MARK2: variants seen among roughly 807,000 people sequenced by gnomAD.
MARK2 encodes the protein microtubule affinity regulating kinase 2, also known as serine/threonine-protein kinase MARK2.
In MARK2, 16 loss-of-function variants were observed where a neutral mutation model predicts 89.8. The observed-to-expected ratio is 0.18, with a 90% CI of 0.12 to 0.27. The LOEUF (loss-of-function observed/expected upper bound fraction) is 0.27, where lower values mean the gene tolerates loss of function less well. MARK2 is among the 10% of genes least tolerant of loss of function. MARK2 has a pLI of 1.00. For synonymous variants in MARK2, 382 were observed against 399.5 expected (o/e 0.96, Z 0.52); for missense variants, 621 against 1,049.9 (o/e 0.59, Z 5.65).
chr11:63,878,359 C>CTTTTTTTTTTTTT (rs59251368), intron 1 of MARK2, among the ~76,000 whole-genome samples: 1 of 72,712 alleles, frequency 1.4e-5, no homozygotes, highest in Admixed American at 2.0e-4. Flanking sequence ...TTGTTCAAGT[C>CTTTTTTTTTTTTT]TTTTTTTTTT....
rs1264108366 is a variant in MARK2 at position 63,900,694 on chromosome 11, C to T, written c.888+16C>T. 2 of 1,613,910 alleles carry T rather than the reference C, an allele frequency of 1.2e-6. No homozygotes were observed. Among genetic ancestry groups the T allele is most frequent in the Non-Finnish European group, 8.5e-7 (1 of 1,179,776 alleles). ...CACTTTAGAGGTGAGCAGTGGAGCCCAACTGGCGGAAGGGCCTGGGGTCCC... is the reference window on the plus strand; with the variant it reads ...CACTTTAGAGGTGAGCAGTGGAGCCTAACTGGCGGAAGGGCCTGGGGTCCC... On this transcript the variant is annotated intron_variant, in intron 9 of 18. Transcript: ENST00000402010. This position sits in a 1 kb window ranked among gnomAD's most constrained non-coding sequence, Gnocchi z 4.7.
At chr11:63,880,308 G>C (rs1481245926) in intron 1 of MARK2, 1 of 152,058 alleles carries the variant, frequency 6.6e-6, no homozygotes, top group Non-Finnish European at 1.5e-5. Flanking sequence ...GGAGGGGTTG[G>C]GGGCAGGGTG....
chr11:63,858,422 C>T (rs1937587018), intron 1 of MARK2, among the ~76,000 whole-genome samples: 1 of 151,946 alleles, frequency 6.6e-6, no homozygotes, highest in Non-Finnish European at 1.5e-5. Context: ...TGCAATGGCA[C>T]GATCTCCACT....
chr11:63,908,662 C>T (rs890207191), intron 18 of MARK2, among the ~76,000 whole-genome samples: 7 of 152,172 alleles, frequency 4.6e-5, no homozygotes, highest in African/African-American at 1.7e-4. Flanking sequence ...CCCCACCCCG[C>T]CTACCCCAAG....
intron 1 of MARK2, among the ~76,000 whole-genome samples, chr11:63,891,177 C>T (rs1474346633): frequency 3.3e-5 from 5 of 150,862 alleles, no homozygotes; most frequent in Admixed American, 1.3e-4. Flanking sequence ...AGGTCTTGAA[C>T]TCTTGGGCTC....
At chr11:63,888,424 G>A (rs1459148570) in intron 1 of MARK2, 8 of 617,416 alleles carry the variant, frequency 1.3e-5, no homozygotes, top group East Asian at 1.5e-4. Context: ...GAGTCTCCTC[G>A]ACCTCTCGCC....
rs1405173007 is a variant in MARK2, at chr11:63,902,337, G to C, written c.1234+7G>C. The C allele has an allele frequency of 6.2e-7, 1 of 1,613,850 alleles. No individual in the cohort carries two copies. The highest frequency in any genetic ancestry group is 8.5e-7 in the Non-Finnish European group (1 of 1,179,862). ...CGGCGCTTCAGCGACCAGGGTAAAT[G>C]CTTTTGGGAGTTGTAGGTGGGGACT... On this transcript the variant is annotated splice_region_variant and intron_variant, in intron 12 of 18. Transcript: ENST00000402010. The surrounding 1 kb of genome is among the most constrained non-coding windows in gnomAD (Gnocchi z 4.2).
chr11:63,903,239 T>C lies in MARK2; in HGVS notation c.1514+81T>C, dbSNP rs1941048030. 4.5e-6 allele frequency: 5 copies of C among 1,100,426 alleles called. No individual in the cohort carries two copies. The highest frequency in any genetic ancestry group is 3.1e-5 in the African/African-American group (2 of 65,214). The allele number at this position is 1,100,426 out of a possible 1,614,324, so 68.2% of individuals were successfully genotyped here. A position where few individuals can be genotyped will look rare whatever the true frequency, so the allele number is the denominator to read the frequency against. ...GATGTCTGTCAGCAGCACCGTCTCC[T>C]GTCCCTGCCAGCGCATTGCTCCCTG... On this transcript the variant is annotated intron_variant, in intron 14 of 18. Transcript: ENST00000402010. The surrounding 1 kb of genome is among the most constrained non-coding windows in gnomAD (Gnocchi z 5.1).
chr11:63,890,359 GGGTT>G, intron 1 of MARK2: 1 of 1,057,562 alleles, frequency 9.5e-7, no homozygotes, highest in South Asian at 1.3e-5. Context: ...CCCGAAAAGG[GGGTT>G]GGTGACTTTG....
chr11:63,861,905 C>CT (rs1937813441), intron 1 of MARK2, among the ~76,000 whole-genome samples: 1 of 147,196 alleles, frequency 6.8e-6, no homozygotes, highest in African/African-American at 2.5e-5. Context: ...CCATGCCTGG[C>CT]TAATTTCTTT....
intron 1 of MARK2, among the ~76,000 whole-genome samples, 154 bp downstream of exon 1, chr11:63,839,714 C>G (rs2015907867): frequency 6.6e-6 from 1 of 152,268 alleles, no homozygotes; most frequent in South Asian, 2.1e-4. Context: ...CCGCACATCC[C>G]GCTTCCGAGT....
At chr11:63,905,068 G>C (rs924519010) in intron 16 of MARK2, 25 bp downstream of exon 16, 1 of 1,403,020 alleles carries the variant, frequency 7.1e-7, no homozygotes, top group African/African-American at 1.4e-5. Context: ...TTGGGTGGCA[G>C]AGAGGCTCAG....
intron 1 of MARK2, among the ~76,000 whole-genome samples, chr11:63,859,289 T>A (rs1476542054): frequency 6.6e-6 from 1 of 152,040 alleles, no homozygotes; most frequent in Non-Finnish European, 1.5e-5. Flanking sequence ...CTTTTCCTTT[T>A]GTACTTGACT....
At chr11:63,857,670 C>T (rs1472908682) in intron 1 of MARK2, among the ~76,000 whole-genome samples, 2 of 152,162 alleles carry the variant, frequency 1.3e-5, no homozygotes, top group Non-Finnish European at 2.9e-5. Flanking sequence ...TTTTTCCTCA[C>T]TTGAATTTCT....
At chr11:63,840,030 T>A (rs1415483499) in intron 1 of MARK2, among the ~76,000 whole-genome samples, 1 of 152,224 alleles carries the variant, frequency 6.6e-6, no homozygotes, top group Non-Finnish European at 1.5e-5. Flanking sequence ...GTTATCACCC[T>A]CAGGGTCCTT....
Position 63,898,520 on chromosome 11 carries a change from T to C in MARK2, c.338-88T>C. The C allele has an allele frequency of 2.7e-6, 3 of 1,096,716 alleles. No homozygotes were observed. The East Asian group carries it at 7.1e-5, about 26-fold the overall frequency. The allele number at this position is 1,096,716 out of a possible 1,614,324, so 67.9% of individuals were successfully genotyped here. ...GGGATCATGAAAGGAGGGGAGACTT[T>C]CGTTCCTAGGATGCTCCTGGACATG... On this transcript the variant is annotated intron_variant, in intron 4 of 18. Coordinates refer to ENST00000402010, the MANE Select transcript of MARK2 (RefSeq NM_001039469.3).
chr11:63,902,825 G>T lies in MARK2; in HGVS notation c.1416+43G>T. ...CTCTCTCCTTCCTTCCTGCGGTGGG[G>T]CCTGCCCTCTCCAGGCAGCTCTTCT... On this transcript the variant is annotated intron_variant, in intron 13 of 18. Coordinates refer to ENST00000402010, the MANE Select transcript of MARK2 (RefSeq NM_001039469.3). This position sits in a 1 kb window ranked among gnomAD's most constrained non-coding sequence, Gnocchi z 4.2. 1 of 1,495,726 alleles carries T rather than the reference G, an allele frequency of 6.7e-7. No individual in the cohort carries two copies. The highest frequency in any genetic ancestry group is 9.3e-7 in the Non-Finnish European group (1 of 1,079,124). The allele number at this position is 1,495,726 out of a possible 1,614,324, so 92.7% of individuals were successfully genotyped here.
At chr11:63,893,129 G>A (rs1321409649) in intron 1 of MARK2, among the ~76,000 whole-genome samples, 1 of 150,946 alleles carries the variant, frequency 6.6e-6, no homozygotes, top group Non-Finnish European at 1.5e-5. Flanking sequence ...GGCCAGGCTG[G>A]TCTCGAACTC....
chr11:63,840,690 C>T (rs565182648), intron 1 of MARK2, among the ~76,000 whole-genome samples: 3 of 152,312 alleles, frequency 2.0e-5, no homozygotes, highest in African/African-American at 7.2e-5. Context: ...CCTTTCATCT[C>T]CGCATTAGTC....
Sources: allele counts gnomAD v4.1 joint callset (sites outside exome capture counted in the v4.1 genomes callset), GRCh38; gene constraint gnomAD v4.1.1; non-coding constraint Gnocchi (gnomAD v3.1); transcripts MANE v1.5; gene names NCBI Gene and HGNC (gene_info 2026-07-23, HGNC 2026-07-21).